Variants in PPP6R3 observed in about 807,000 individuals in gnomAD.
PPP6R3 encodes the protein protein phosphatase 6 regulatory subunit 3.
In PPP6R3, 38 loss-of-function variants were observed where a neutral mutation model predicts 110.7. That is an observed-to-expected ratio of 0.34 (90% CI 0.26 to 0.45). The LOEUF is 0.45. Among genes scored for constraint, PPP6R3 ranks in the 20% least tolerant of loss-of-function variants. The pLI, the probability that PPP6R3 is intolerant of heterozygous loss-of-function variation, is 1.00. For synonymous variants in PPP6R3, 369 were observed against 373.5 expected (o/e 0.99, Z 0.14); for missense variants, 870 against 1,062.4 (o/e 0.82, Z 2.52).
At chr11:68,569,608 A>T (rs529828601) in intron 10 of PPP6R3, 140 bp from the exon 11 acceptor site, 9 of 675,010 alleles carry the variant, frequency 1.3e-5, no homozygotes, top group Non-Finnish European at 2.1e-5. Context: ...ACTAATGTGA[A>T]CTCAGGTTCC....
intron 8 of PPP6R3, among the ~76,000 whole-genome samples, chr11:68,561,305 G>T (rs1288114956): frequency 6.6e-6 from 1 of 151,846 alleles, no homozygotes; most frequent in African/African-American, 2.4e-5. Flanking sequence ...TCACTATGTT[G>T]CCCAGGCTGG....
intron 1 of PPP6R3, among the ~76,000 whole-genome samples, chr11:68,502,553 A>C (rs2099054021): frequency 6.6e-6 from 1 of 152,216 alleles, no homozygotes; most frequent in Non-Finnish European, 1.5e-5. Context: ...GTATCTTAAA[A>C]GATCTTTATG....
At chr11:68,541,407 C>T (rs567922763) in intron 3 of PPP6R3, among the ~76,000 whole-genome samples, 7 of 152,268 alleles carry the variant, frequency 4.6e-5, no homozygotes, top group South Asian at 2.1e-4. Context: ...TTTCCAGAGG[C>T]ACTAGATGAA....
chr11:68,515,722 G>A (rs1385829056), intron 1 of PPP6R3, among the ~76,000 whole-genome samples: 1 of 152,100 alleles, frequency 6.6e-6, no homozygotes, highest in Non-Finnish European at 1.5e-5. Context: ...TGTCAATTCA[G>A]GGTCCCACCC....
At position 68,603,391 on chromosome 11, in the gene PPP6R3, A is replaced by G. The variant is rs2099637859; in HGVS notation, c.2349A>G (p.Ala783=). The G allele has an allele frequency of 1.9e-6, 3 of 1,614,086 alleles. No individual in the cohort carries two copies. The highest frequency in any genetic ancestry group is 2.5e-6 in the Non-Finnish European group (3 of 1,180,040). ...CCAGCTCTGACGGAGAGGAGGATGCAGAAAGTACAGACAAGGTAACTGAGA... is the reference window on the plus strand; with the variant it reads ...CCAGCTCTGACGGAGAGGAGGATGCGGAAAGTACAGACAAGGTAACTGAGA... ...MEASSDGEED[A]ESTDKVTETV... Residue 783 remains alanine, a synonymous_variant, in exon 22 of 24, where the codon GCA becomes GCG. Coordinates refer to ENST00000393800, the MANE Select transcript of PPP6R3 (RefSeq NM_001164161.2).
chr11:68,551,643 C>CA (rs1342178229), intron 6 of PPP6R3, among the ~76,000 whole-genome samples: 2 of 152,170 alleles, frequency 1.3e-5, no homozygotes, highest in African/African-American at 4.8e-5. Context: ...TGCCCGCCAC[C>CA]ACCCTGGCTA....
intron 1 of PPP6R3, among the ~76,000 whole-genome samples, chr11:68,496,707 G>C (rs1480334344): frequency 6.6e-6 from 1 of 152,052 alleles, no homozygotes; most frequent in East Asian, 1.9e-4. Flanking sequence ...TCGGCCTCAA[G>C]CACTTCACAC....
chr11:68,460,760 C>A lies in PPP6R3; in HGVS notation c.-225C>A, dbSNP rs993064020. 6.6e-6 allele frequency: 1 copy of A among 151,924 alleles called. No individual in the cohort carries two copies. Among genetic ancestry groups the A allele is most frequent in the African/African-American group, 2.4e-5 (1 of 41,294 alleles). The allele number at this position is 151,924 out of a possible 1,614,324, so 9.4% of individuals were successfully genotyped here. On this transcript the variant is annotated 5_prime_UTR_variant, in exon 1 of 24. Coordinates refer to ENST00000393800, the MANE Select transcript of PPP6R3 (RefSeq NM_001164161.2). Reference sequence around the variant, plus strand: ...GATACGTCCGCCATTTTGGGCGCTTCGCTGATGGTGTCGGTGAGCGCGTTT... The same window carrying A: ...GATACGTCCGCCATTTTGGGCGCTTAGCTGATGGTGTCGGTGAGCGCGTTT...
At chr11:68,472,743 AACTT>A (rs2098801160) in intron 1 of PPP6R3, among the ~76,000 whole-genome samples, 2 of 152,132 alleles carry the variant, frequency 1.3e-5, no homozygotes, top group South Asian at 4.1e-4. Context: ...ACCACAATCT[AACTT>A]TGTAACATTT....
intron 22 of PPP6R3, among the ~76,000 whole-genome samples, chr11:68,608,697 C>A (rs1941727564): frequency 6.6e-6 from 1 of 152,194 alleles, no homozygotes; most frequent in Non-Finnish European, 1.5e-5. Context: ...GGTGCTGTGC[C>A]ACAGTCAGTG....
rs748328716 is a variant in PPP6R3 at position 68,591,625 on chromosome 11, TTGA to T, written c.1841_1843del (p.Asp614del). ...TGTTGTAAGGAAAGAATACAACAGT[TTGA>T]TGATGGTGGCTCTGATGAGGAAGAT... On this transcript the variant is annotated inframe_deletion, in exon 18 of 24. Coordinates refer to ENST00000393800, the MANE Select transcript of PPP6R3 (RefSeq NM_001164161.2). The T allele has an allele frequency of 7.4e-6, 12 of 1,613,094 alleles. No homozygotes were observed. Among genetic ancestry groups the T allele is most frequent in the Non-Finnish European group, 1.0e-5 (12 of 1,179,526 alleles).
chr11:68,594,337 A>T (rs977730515), intron 18 of PPP6R3, among the ~76,000 whole-genome samples: 1 of 133,676 alleles, frequency 7.5e-6, no homozygotes, highest in Non-Finnish European at 1.7e-5. Context: ...AGAGAGAGTG[A>T]GAGAGAGAGT....
intron 7 of PPP6R3, chr11:68,558,250 A>T (rs555545765): frequency 2.1e-5 from 4 of 187,122 alleles, no homozygotes; most frequent in African/African-American, 9.5e-5. Context: ...TCTTGGTTTG[A>T]GTAGGAGGTG....
At chr11:68,475,527 C>T (rs1346464711) in intron 1 of PPP6R3, among the ~76,000 whole-genome samples, 59 of 150,026 alleles carry the variant, frequency 3.9e-4, no homozygotes, top group African/African-American at 1.3e-3. Context: ...GACGGGGCAG[C>T]GGCCGGGCGG....
chr11:68,552,996 T>G (rs2099386828), intron 6 of PPP6R3, among the ~76,000 whole-genome samples: 2 of 152,220 alleles, frequency 1.3e-5, no homozygotes, highest in South Asian at 4.1e-4. Context: ...AGTGATGAAT[T>G]CCATGTTAAA....
chr11:68,558,924 G>T (rs2099409144), intron 8 of PPP6R3, among the ~76,000 whole-genome samples: 1 of 152,166 alleles, frequency 6.6e-6, no homozygotes, highest in South Asian at 2.1e-4. Context: ...TTTTTTGGTA[G>T]TGGTAGTTAG....
At chr11:68,543,131 T>C (rs2099328455) in intron 3 of PPP6R3, among the ~76,000 whole-genome samples, 1 of 152,208 alleles carries the variant, frequency 6.6e-6, no homozygotes, top group Non-Finnish European at 1.5e-5. Flanking sequence ...CTCCATAAGA[T>C]AAGGACTATT....
At chr11:68,611,797 C>T (rs1466196207) in intron 23 of PPP6R3, among the ~76,000 whole-genome samples, 5 of 152,146 alleles carry the variant, frequency 3.3e-5, no homozygotes, top group Non-Finnish European at 5.9e-5. Flanking sequence ...CTAGATTGCA[C>T]GTGTTCTAAA....
At position 68,614,879 on chromosome 11, in the gene PPP6R3, A is replaced by C. The variant is rs1261208258; in HGVS notation, c.*1762A>C. The C allele has an allele frequency of 4.4e-5, 40 of 901,682 alleles. No individual in the cohort carries two copies. The Admixed American group carries it at 8.1e-4, about 18-fold the overall frequency. The allele number at this position is 901,682 out of a possible 1,614,324, so 55.9% of individuals were successfully genotyped here. A position where few individuals can be genotyped will look rare whatever the true frequency, so the allele number is the denominator to read the frequency against. On this transcript the variant is annotated 3_prime_UTR_variant, in exon 24 of 24. Coordinates refer to ENST00000393800, the MANE Select transcript of PPP6R3 (RefSeq NM_001164161.2). ...TGGACCTCGGGGATTACTGGTAGAT[A>C]ATATGCTCTGGTCTCGCCTGGTGGT... is the stretch of plus-strand genomic sequence containing the variant.
Sources: gnomAD v4.1 joint callset for allele counts (sites outside exome capture counted in the v4.1 genomes callset) on GRCh38, gnomAD v4.1.1 for gene constraint, MANE v1.5 for transcripts, NCBI Gene and HGNC (gene_info 2026-07-23, HGNC 2026-07-21) for gene names.